Variants in GK observed in about 807,000 individuals in gnomAD.
GK encodes glycerol kinase.
A neutral mutation model predicts 56.4 loss-of-function variants in GK; 9 were observed. That is an observed-to-expected ratio of 0.16 (90% CI 0.10 to 0.28). The LOEUF is 0.28. Ranked by LOEUF, GK falls within the 10% of genes least tolerant of loss-of-function variation. The pLI, the probability that GK is intolerant of heterozygous loss-of-function variation, is 1.00. For missense variants in GK, 161 were observed against 431.4 expected, an observed-to-expected ratio of 0.37 and a Z score of 5.55; for synonymous variants, 104 against 144.1, an observed-to-expected ratio of 0.72 and a Z score of 1.99.
intron 11 of GK, among the ~76,000 whole-genome samples, chrX:30,707,245 G>A (rs1038531070): frequency 4.6e-5 from 5 of 108,156 alleles, no homozygotes; most frequent in South Asian, 4.2e-4. Flanking sequence ...CAGGAGAATC[G>A]CTTGAACTCG....
chrX:30,683,481 C>A (rs1290736242), intron 4 of GK, among the ~76,000 whole-genome samples: 1 of 111,552 alleles, frequency 9.0e-6, no homozygotes. Context: ...AATTCACTCA[C>A]CCCCACTACG....
chrX:30,668,161 A>C, intron 3 of GK, 43 bp downstream of exon 3: 2 of 691,636 alleles, frequency 2.9e-6, no homozygotes, highest in Non-Finnish European at 4.7e-6. Flanking sequence ...AGACTCTCTC[A>C]ATCAAATTCA....
At chrX:30,656,599 T>TC (rs371398713) in intron 1 of GK, among the ~76,000 whole-genome samples, 78 of 109,883 alleles carry the variant, frequency 7.1e-4, no homozygotes, top group East Asian at 6.0e-3. Flanking sequence ...TATTCAGAAT[T>TC]CCCCCCCCTT....
chrX:30,666,116 A>C (rs1016005665), intron 2 of GK, among the ~76,000 whole-genome samples: 1 of 111,820 alleles, frequency 8.9e-6, no homozygotes, highest in Non-Finnish European at 1.9e-5. Context: ...AAAGCTAACC[A>C]TACACCTGCA....
chrX:30,702,762 C>T (rs1269403155), intron 11 of GK, among the ~76,000 whole-genome samples: 1 of 112,467 alleles, frequency 8.9e-6, no homozygotes, highest in Admixed American at 9.4e-5. Context: ...ATTATCTCAT[C>T]GATTTTAACT....
chrX:30,701,035 A>G, intron 11 of GK, 130 bp downstream of exon 11: 1 of 497,164 alleles, frequency 2.0e-6, no homozygotes, highest in Non-Finnish European at 3.6e-6. Flanking sequence ...ATATGCATAT[A>G]TACACTTTTT....
intron 3 of GK, among the ~76,000 whole-genome samples, chrX:30,672,331 C>T (rs906830639): frequency 9.0e-5 from 10 of 110,649 alleles, no homozygotes; most frequent in Admixed American, 8.7e-4. Context: ...CATATCCATT[C>T]CTCCACTGCC....
intron 18 of GK, among the ~76,000 whole-genome samples, chrX:30,721,386 G>A (rs1304369536): frequency 9.2e-6 from 1 of 108,439 alleles, no homozygotes; most frequent in African/African-American, 3.4e-5. Context: ...CCGCCTCCCG[G>A]GTTCATGCCA....
chrX:30,692,016 T>C (rs1239815296), intron 5 of GK, among the ~76,000 whole-genome samples: 1 of 111,541 alleles, frequency 9.0e-6, no homozygotes, highest in South Asian at 3.8e-4. Context: ...TGAGGAATTT[T>C]TTTTAGCAAG....
Position 30,653,471 on chromosome X carries a change from C to T in GK, c.-67C>T. 5.1e-6 allele frequency: 5 copies of T among 982,159 alleles called. No homozygotes were observed. Among genetic ancestry groups the T allele is most frequent in the South Asian group, 1.9e-5 (1 of 51,991 alleles). The allele number at this position is 982,159 out of a possible 1,213,427, so 80.9% of individuals were successfully genotyped here. A position where few individuals can be genotyped will look rare whatever the true frequency, so the allele number is the denominator to read the frequency against. On this transcript the variant is annotated 5_prime_UTR_variant, in exon 1 of 21. Transcript: ENST00000427190. ...TCGATCTCTGGACTCGTCACCTGCC[C>T]CTCCCCCTCCCGCCGCCGTCACCCA...
chrX:30,722,353 CA>C (rs1385530710), intron 18 of GK, among the ~76,000 whole-genome samples: 2 of 111,622 alleles, frequency 1.8e-5, no homozygotes, highest in Non-Finnish European at 3.8e-5. Flanking sequence ...TTCTACTTTT[CA>C]AAAAAAATCA....
chrX:30,681,564 G>A (rs2147174548), intron 4 of GK, among the ~76,000 whole-genome samples: 1 of 112,187 alleles, frequency 8.9e-6, no homozygotes, highest in African/African-American at 3.2e-5. Context: ...CAGATAATGG[G>A]AGAAAGTTTT....
intron 4 of GK, among the ~76,000 whole-genome samples, chrX:30,685,807 T>TTCTG (rs1302840317): frequency 8.9e-6 from 1 of 112,242 alleles, no homozygotes; most frequent in African/African-American, 3.2e-5. Context: ...CTTCCTACCA[T>TTCTG]TCTGTGCCTG....
chrX:30,685,146 T>C (rs1292602005), intron 4 of GK, among the ~76,000 whole-genome samples: 2 of 111,341 alleles, frequency 1.8e-5, no homozygotes, highest in East Asian at 5.6e-4. Context: ...TTTTCTTTTT[T>C]TTTGAGACGG....
rs184459838 is a variant in GK at position 30,731,211 on chromosome X, A to T, written c.*2469A>T. 1 of 112,564 alleles carries T rather than the reference A, an allele frequency of 8.9e-6. No individual in the cohort carries two copies. The highest frequency in any genetic ancestry group is 3.2e-5 in the African/African-American group (1 of 31,046). 9.3% of individuals were successfully genotyped at this position (112,564 alleles called of 1,213,427 possible). A position where few individuals can be genotyped will look rare whatever the true frequency, so the allele number is the denominator to read the frequency against. ...GTATCATGTGGGAGTGAAGAAAGAA[A>T]GTTTTTGGAGAAACCAACAAATGAA... On this transcript the variant is annotated 3_prime_UTR_variant, in exon 21 of 21. Coordinates refer to ENST00000427190, the MANE Select transcript of GK (RefSeq NM_001205019.2).
At chrX:30,684,049 A>G (rs1186209068) in intron 4 of GK, among the ~76,000 whole-genome samples, 1 of 60,052 alleles carries the variant, frequency 1.7e-5, no homozygotes, top group Non-Finnish European at 3.3e-5. Flanking sequence ...AATGGTCTAC[A>G]TAACTGGTTG....
At chrX:30,685,078 A>G (rs1278321253) in intron 4 of GK, among the ~76,000 whole-genome samples, 1 of 111,709 alleles carries the variant, frequency 9.0e-6, no homozygotes, top group Non-Finnish European at 1.9e-5. Flanking sequence ...ATGACAAACC[A>G]CCTAAAACGC....
chrX:30,693,565 T>G (rs1295650939), intron 5 of GK, among the ~76,000 whole-genome samples: 1 of 111,249 alleles, frequency 9.0e-6, no homozygotes, highest in Non-Finnish European at 1.9e-5. Context: ...TTTATTTTTT[T>G]TGAGACAGAG....
Position 30,708,120 on chromosome X carries a change from T to C in GK, c.961T>C (p.Tyr321His), listed in dbSNP as rs747161567. The C allele has an allele frequency of 9.0e-7, 1 of 1,107,093 alleles. No individual in the cohort carries two copies. The highest frequency in any genetic ancestry group is 3.0e-5 in the East Asian group (1 of 33,384). The allele number at this position is 1,107,093 out of a possible 1,213,427, so 91.2% of individuals were successfully genotyped here. Residue 321 changes from tyrosine to histidine, a missense_variant, in exon 13 of 21, where the codon TAT (tyrosine) becomes CAT (histidine). By Grantham distance (83) the Tyr-to-His change is moderately conservative. Coordinates refer to ENST00000427190, the MANE Select transcript of GK (RefSeq NM_001205019.2). Reference protein sequence around the residue: ...AYKLGRDKPVYYALEGSVAIA... With the variant: ...AYKLGRDKPVHYALEGSVAIA... ...CAAACTTGGCAGAGACAAACCAGTA[T>C]ATTATGCTTTGGAAGTAAGTTCTTT...
Sources: allele counts gnomAD v4.1 joint callset (sites outside exome capture counted in the v4.1 genomes callset), GRCh38; gene constraint gnomAD v4.1.1; transcripts MANE v1.5; gene names NCBI Gene and HGNC (gene_info 2026-07-23, HGNC 2026-07-21).